The following PIP4K2A variants were observed in gnomAD, a reference collection of about 807,000 sequenced individuals.
PIP4K2A encodes the protein phosphatidylinositol-5-phosphate 4-kinase type 2 alpha, also known as phosphatidylinositol 5-phosphate 4-kinase type-2 alpha.
A neutral mutation model predicts 42.9 loss-of-function variants in PIP4K2A; 14 were observed. The ratio of observed to expected loss-of-function variants is 0.33; its 90% CI spans 0.22 to 0.51. The LOEUF (loss-of-function observed/expected upper bound fraction) is 0.51. PIP4K2A is among the 20% of genes least tolerant of loss of function. The pLI, the probability that PIP4K2A is intolerant of heterozygous loss-of-function variation, is 0.97. For missense variants in PIP4K2A, 434 were observed against 519.8 expected (o/e 0.83, Z 1.61); for synonymous variants, 192 against 192.2 (o/e 1.00, Z 0.01).
chr10:22,645,496 C>T (rs953183331), intron 1 of PIP4K2A, among the ~76,000 whole-genome samples: 5 of 146,922 alleles, frequency 3.4e-5, no homozygotes, highest in Admixed American at 6.9e-5. Context: ...CAATGAGATA[C>T]GATTGCACCA....
At chr10:22,664,230 C>CATATATATATACATATATATAT (rs1564460409) in intron 1 of PIP4K2A, among the ~76,000 whole-genome samples, 5 of 81,424 alleles carry the variant, frequency 6.1e-5, no homozygotes, top group African/African-American at 3.0e-4. Context: ...TATATATATA[C>CATATATATATACATATATATAT]ACACACACAC....
chr10:22,576,942 T>C (rs1281657013), intron 4 of PIP4K2A, among the ~76,000 whole-genome samples: 1 of 151,830 alleles, frequency 6.6e-6, no homozygotes, highest in East Asian at 1.9e-4. Flanking sequence ...GATGTGGTGG[T>C]GCATGCCTGT....
In PIP4K2A at chr10:22,541,852, C is replaced by T. The variant is rs747197519; in HGVS notation, c.988G>A (p.Gly330Arg). Reference protein sequence around the residue: ...TLNSSPPLAPGEFDPNIDVYG... With the variant: ...TLNSSPPLAPREFDPNIDVYG... The stretch of plus-strand genomic sequence containing the variant: ...ACGTCGATGTTCGGATCGAACTCCC[C>T]GGGAGCCAGGGGTGGTGAGCTGTTC... The change falls in exon 8 of 10, where the codon GGG (glycine) becomes AGG (arginine). Residue 330 changes from glycine (G) to arginine (R), a missense_variant. This residue lies in a region of PIP4K2A where 395 missense variants were observed against 444.5 expected (regional missense o/e 0.89). Transcript: ENST00000376573. 7.5e-6 allele frequency: 12 copies of T among 1,598,272 alleles called. No homozygotes were observed. The highest frequency in any genetic ancestry group is 1.1e-5 in the South Asian group (1 of 88,430).
intron 4 of PIP4K2A, among the ~76,000 whole-genome samples, chr10:22,575,937 CAA>C (rs557440119): frequency 0.014 from 1,904 of 135,314 alleles, 25 homozygotes; most frequent in Middle Eastern, 0.07. Flanking sequence ...GACGCCATCT[CAA>C]AAAAAAAACA....
rs1564459827 is a variant in PIP4K2A, at chr10:22,664,078, T to TATATATATATACATATATATATATAC, written c.144+50079_144+50104dup. Among the ~76,000 whole-genome samples, 154 of 66,296 alleles carry TATATATATATACATATATATATATAC rather than the reference T, an allele frequency of 2.3e-3. 1 individual carries two copies. Among genetic ancestry groups the TATATATATATACATATATATATATAC allele is most frequent in the Admixed American group, 6.5e-3 (40 of 6,178 alleles). The allele number at this position is 66,296 out of a possible 152,430, so 43.5% of individuals were successfully genotyped here. A position where few individuals can be genotyped will look rare whatever the true frequency, so the allele number is the denominator to read the frequency against. On this transcript the variant is annotated intron_variant, in intron 1 of 9. Transcript: ENST00000376573. ...GTATATATACATATATATATATACG[T>TATATATATATACATATATATATATAC]ATATATATATACATATATATATATA...
chr10:22,564,933 T>C (rs538385648), intron 6 of PIP4K2A, among the ~76,000 whole-genome samples: 64 of 152,198 alleles, frequency 4.2e-4, no homozygotes, highest in Admixed American at 4.6e-4. Context: ...GGAAGTTCAT[T>C]TCCTCTGGTT....
At chr10:22,694,390 A>AG (rs1170940512) in intron 1 of PIP4K2A, 1 of 152,212 alleles carries the variant, frequency 6.6e-6, no homozygotes, top group East Asian at 1.9e-4. Flanking sequence ...TTATTCATGT[A>AG]GGGCTACCAT....
At chr10:22,565,961 C>T (rs1836837640) in intron 6 of PIP4K2A, among the ~76,000 whole-genome samples, 1 of 152,152 alleles carries the variant, frequency 6.6e-6, no homozygotes, top group East Asian at 1.9e-4. Context: ...TTTGGTCAGA[C>T]CGGTTGATCT....
chr10:22,582,430 T>C (rs893903344), intron 4 of PIP4K2A, among the ~76,000 whole-genome samples: 2 of 152,178 alleles, frequency 1.3e-5, no homozygotes, highest in Non-Finnish European at 2.9e-5. Flanking sequence ...TTCTAAGTGA[T>C]GTACTGCAAT....
At chr10:22,668,400 C>T (rs1451657104) in intron 1 of PIP4K2A, among the ~76,000 whole-genome samples, 1 of 152,180 alleles carries the variant, frequency 6.6e-6, no homozygotes, top group African/African-American at 2.4e-5. Flanking sequence ...AAGACCTCTC[C>T]TGGCTAAGTA....
chr10:22,548,752 T>C (rs766211124), intron 7 of PIP4K2A, among the ~76,000 whole-genome samples: 8 of 152,112 alleles, frequency 5.3e-5, no homozygotes, highest in Non-Finnish European at 1.0e-4. Context: ...TTGTTTGAAG[T>C]AGATGCTTAC....
At chr10:22,570,012 T>G in intron 5 of PIP4K2A, among the ~76,000 whole-genome samples, 1 of 152,004 alleles carries the variant, frequency 6.6e-6, no homozygotes, top group East Asian at 1.9e-4. Flanking sequence ...TCTCTAAGTA[T>G]AATTTACTCC....
At chr10:22,606,960 T>C (rs892729471) in intron 3 of PIP4K2A, among the ~76,000 whole-genome samples, 3 of 152,232 alleles carry the variant, frequency 2.0e-5, no homozygotes, top group African/African-American at 7.2e-5. Flanking sequence ...CTTATACACA[T>C]AGCCTAAAGG....
chr10:22,712,074 T>C (rs1564475083), intron 1 of PIP4K2A, among the ~76,000 whole-genome samples: 1 of 152,200 alleles, frequency 6.6e-6, no homozygotes, highest in South Asian at 2.1e-4. Flanking sequence ...CATGCTTACA[T>C]TTATATGAAA....
At chr10:22,653,521 C>T (rs1297808105) in intron 1 of PIP4K2A, among the ~76,000 whole-genome samples, 1 of 152,198 alleles carries the variant, frequency 6.6e-6, no homozygotes. Context: ...AGCAGATGCA[C>T]ACTGGGAAGG....
intron 6 of PIP4K2A, among the ~76,000 whole-genome samples, chr10:22,551,331 C>T (rs1285037769): frequency 2.0e-5 from 3 of 152,180 alleles, no homozygotes; most frequent in African/African-American, 4.8e-5. Flanking sequence ...CCTTCCTGTT[C>T]ACCACTCCAA....
At chr10:22,673,494 T>C (rs115517774) in intron 1 of PIP4K2A, among the ~76,000 whole-genome samples, 112 of 152,174 alleles carry the variant, frequency 7.4e-4, no homozygotes, top group African/African-American at 2.6e-3. Flanking sequence ...AAACTCAAAG[T>C]AGCATGAGAC....
intron 1 of PIP4K2A, among the ~76,000 whole-genome samples, chr10:22,701,348 T>C (rs577629971): frequency 6.6e-6 from 1 of 152,286 alleles, no homozygotes; most frequent in South Asian, 2.1e-4. Context: ...TCTAAGCACA[T>C]CCTTTGTCTG....
chr10:22,664,079 A>ATATATATATACATATATATATATACG lies in PIP4K2A; in HGVS notation c.144+50103_144+50104insCGTATATATATATATGTATATATATA, dbSNP rs1564459837. ...TATATATACATATATATATATACGT[A>ATATATATATACATATATATATATACG]TATATATATACATATATATATATAC... is the stretch of plus-strand genomic sequence containing the variant. On this transcript the variant is annotated intron_variant, in intron 1 of 9. Transcript: ENST00000376573. Among the ~76,000 whole-genome samples the ATATATATATACATATATATATATACG allele has an allele frequency of 1.9e-3, 154 of 80,090 alleles. 1 individual carries two copies. The highest frequency in any genetic ancestry group is 2.8e-3 in the Non-Finnish European group (136 of 48,046). 52.5% of individuals were successfully genotyped at this position (80,090 alleles called of 152,430 possible). A position where few individuals can be genotyped will look rare whatever the true frequency, so the allele number is the denominator to read the frequency against.
Sources: allele counts gnomAD v4.1 joint callset (sites outside exome capture counted in the v4.1 genomes callset), GRCh38; gene constraint gnomAD v4.1.1; regional missense constraint gnomAD v4.1.1; transcripts MANE v1.5; gene names NCBI Gene and HGNC (gene_info 2026-07-23, HGNC 2026-07-21).